The following TNKS variants were observed in gnomAD, a reference collection of about 807,000 sequenced individuals.
TNKS encodes the protein tankyrase, also known as poly [ADP-ribose] polymerase tankyrase-1.
In TNKS, 72 loss-of-function variants were observed where a neutral mutation model predicts 135.8. The ratio of observed to expected loss-of-function variants is 0.53; its 90% CI spans 0.44 to 0.64. The LOEUF is 0.64. TNKS is among the 30% of genes least tolerant of loss of function. TNKS has a pLI of 0.00. For synonymous variants in TNKS, 849 were observed against 649.3 expected (o/e 1.31, Z -4.68); for missense variants, 1,769 against 1,674.0 (o/e 1.06, Z -0.99).
intron 3 of TNKS, among the ~76,000 whole-genome samples, chr8:9,673,680 G>A (rs1314218137): frequency 2.0e-5 from 3 of 151,882 alleles, no homozygotes; most frequent in Admixed American, 6.6e-5. Flanking sequence ...TCCTGACCTC[G>A]TGATCCACCC....
In TNKS at chr8:9,595,326, T is replaced by C. The variant is rs370575771; in HGVS notation, c.898+14943T>C. Among the ~76,000 whole-genome samples the C allele has an allele frequency of 4.1e-4, 62 of 152,142 alleles. 1 individual carries two copies. The East Asian group carries it at 6.4e-3, about 16-fold the overall frequency. On this transcript the variant is annotated intron_variant, in intron 2 of 26. Transcript: ENST00000310430. Reference sequence around the variant, plus strand: ...GTAGCATTTTCATAAAAAACAAAGATGACAAAATTCCATACTTGTATCCTT... The same window carrying C: ...GTAGCATTTTCATAAAAAACAAAGACGACAAAATTCCATACTTGTATCCTT...
At chr8:9,750,096 A>G (rs1339960718) in intron 18 of TNKS, among the ~76,000 whole-genome samples, 2 of 152,168 alleles carry the variant, frequency 1.3e-5, no homozygotes, top group Non-Finnish European at 2.9e-5. Context: ...TGCCCATAAG[A>G]TCCTTTGAAG....
intron 15 of TNKS, 121 bp from the exon 16 acceptor site, chr8:9,734,744 A>G (rs1805604791): frequency 1.2e-6 from 1 of 823,334 alleles, no homozygotes; most frequent in Admixed American, 2.9e-5. Context: ...GTTTTTCAAA[A>G]TGCATATAGA....
In TNKS at chr8:9,584,877, T is replaced by C. The variant is rs186689133; in HGVS notation, c.898+4494T>C. Among the ~76,000 whole-genome samples the C allele has an allele frequency of 2.3e-3, 350 of 152,286 alleles. 2 individuals carry two copies. The highest frequency in any genetic ancestry group is 8.0e-3 in the African/African-American group (333 of 41,544). The stretch of plus-strand genomic sequence containing the variant: ...TGCTGGCGTCCACAGCAAATCATTC[T>C]AAAGATAACAGAGGTGTATGGTGTT... On this transcript the variant is annotated intron_variant, in intron 2 of 26. Coordinates refer to ENST00000310430, the MANE Select transcript of TNKS (RefSeq NM_003747.3).
intron 1 of TNKS, among the ~76,000 whole-genome samples, chr8:9,563,004 A>G (rs28398977): frequency 0.021 from 3,150 of 151,944 alleles, 58 homozygotes; most frequent in African/African-American, 0.054. Flanking sequence ...ACTTTTTATT[A>G]TTCGTTCTTT....
chr8:9,665,676 G>T (rs1801950482), intron 3 of TNKS, among the ~76,000 whole-genome samples: 1 of 152,144 alleles, frequency 6.6e-6, no homozygotes, highest in African/African-American at 2.4e-5. Context: ...ATAACCTTGT[G>T]CTGCCTTTTC....
Position 9,615,644 on chromosome 8 carries a change from C to G in TNKS, c.961C>G (p.Leu321Val), listed in dbSNP as rs1799617787. ...CACTGATGGGAAATCAGCCCTGGAC[C>G]TGGCAGATCCTTCAGCAAAAGCTGT... ...RNTDGKSALDLADPSAKAVLT... is the reference protein window; with the variant it reads ...RNTDGKSALDVADPSAKAVLT... The change falls in exon 3 of 27, where the codon CTG (leucine) becomes GTG (valine). Residue 321 changes from leucine (L) to valine (V), a missense_variant. Leu to Val is a conservative substitution (Grantham distance 32, BLOSUM62 1). This residue lies in a region of TNKS where 523 missense variants were observed against 541.0 expected (regional missense o/e 0.97). Coordinates refer to ENST00000310430, the MANE Select transcript of TNKS (RefSeq NM_003747.3). 6.2e-7 allele frequency: 1 copy of G among 1,613,428 alleles called. No individual in the cohort carries two copies. Among genetic ancestry groups the G allele is most frequent in the Non-Finnish European group, 8.5e-7 (1 of 1,179,710 alleles).
At chr8:9,655,613 C>G (rs1292072463) in intron 3 of TNKS, among the ~76,000 whole-genome samples, 1 of 152,178 alleles carries the variant, frequency 6.6e-6, no homozygotes, top group East Asian at 1.9e-4. Flanking sequence ...GCCACTGCTG[C>G]CTGATACCCA....
chr8:9,773,909 T>C (rs1808084891), intron 26 of TNKS, among the ~76,000 whole-genome samples: 1 of 152,202 alleles, frequency 6.6e-6, no homozygotes, highest in Non-Finnish European at 1.5e-5. Flanking sequence ...CTTTGCTAAC[T>C]TTTATTTCAT....
chr8:9,573,051 A>T (rs1797818314), intron 1 of TNKS, among the ~76,000 whole-genome samples: 1 of 149,480 alleles, frequency 6.7e-6, no homozygotes, highest in Non-Finnish European at 1.5e-5. Context: ...TATATATAGC[A>T]AGCCATTCTC....
chr8:9,758,010 T>C (rs1806933922), intron 20 of TNKS, among the ~76,000 whole-genome samples: 1 of 152,220 alleles, frequency 6.6e-6, no homozygotes, highest in African/African-American at 2.4e-5. Context: ...CACCTTCTAG[T>C]CATCCTTTTA....
rs369007371 is a variant in TNKS, at chr8:9,580,214, C to T, written c.729C>T (p.His243=). 4.0e-5 allele frequency: 65 copies of T among 1,613,990 alleles called. No homozygotes were observed. Among genetic ancestry groups the T allele is most frequent in the East Asian group, 6.7e-5 (3 of 44,884 alleles). The change falls in exon 2 of 27, where the codon CAC becomes CAT. Residue 243 remains histidine (H), a synonymous_variant. Coordinates refer to ENST00000310430, the MANE Select transcript of TNKS (RefSeq NM_003747.3). The part of the protein sequence containing the change: ...EHLLQMGANV[H]ARDDGGLIPL... Reference sequence around the variant, plus strand: ...TACTACAGATGGGTGCTAATGTCCACGCTCGTGATGATGGAGGTCTCATCC... The same window carrying T: ...TACTACAGATGGGTGCTAATGTCCATGCTCGTGATGATGGAGGTCTCATCC...
chr8:9,636,040 A>G (rs900993029), intron 3 of TNKS, among the ~76,000 whole-genome samples: 47 of 152,198 alleles, frequency 3.1e-4, no homozygotes, highest in Admixed American at 3.0e-3. Context: ...TGAAAAAAGT[A>G]TTGTTTTTAA....
chr8:9,556,497 G>T lies in TNKS; in HGVS notation c.558G>T (p.Leu186=), dbSNP rs201469839. The T allele has an allele frequency of 2.5e-6, 4 of 1,614,182 alleles. No individual in the cohort carries two copies. In the East Asian group the frequency reaches 8.9e-5, roughly 36 times the overall value. ...CAGTGAGCGGGGCCCTACGGGAACT[G>T]CTGGAGGCCTGTCGCAATGGGGACG... is the stretch of plus-strand genomic sequence containing the variant. ...VPAVSGALRE[L]LEACRNGDVS... is the part of the protein sequence containing the mutation. The change falls in exon 1 of 27, where the codon CTG becomes CTT. Residue 186 remains leucine, a synonymous_variant. Transcript: ENST00000310430.
At chr8:9,608,252 T>G (rs1799311842) in intron 2 of TNKS, among the ~76,000 whole-genome samples, 1 of 152,196 alleles carries the variant, frequency 6.6e-6, no homozygotes, top group South Asian at 2.1e-4. Flanking sequence ...GTGTTATCAG[T>G]AGTTTTTTCC....
intron 26 of TNKS, among the ~76,000 whole-genome samples, chr8:9,770,574 C>T (rs1807768784): frequency 6.6e-6 from 1 of 152,234 alleles, no homozygotes; most frequent in African/African-American, 2.4e-5. Flanking sequence ...TCGTGGGCAG[C>T]ATGCCAGGGC....
At chr8:9,701,100 A>G (rs528710592) in intron 5 of TNKS, among the ~76,000 whole-genome samples, 1 of 151,576 alleles carries the variant, frequency 6.6e-6, no homozygotes, top group South Asian at 2.1e-4. Context: ...CACCTGGCTA[A>G]TTTTTTGTAT....
At chr8:9,585,602 T>G (rs1798346435) in intron 2 of TNKS, among the ~76,000 whole-genome samples, 1 of 152,204 alleles carries the variant, frequency 6.6e-6, no homozygotes, top group Non-Finnish European at 1.5e-5. Flanking sequence ...AATAACCTTC[T>G]AAAGCCTGCT....
intron 3 of TNKS, among the ~76,000 whole-genome samples, chr8:9,656,577 GC>G (rs1801379396): frequency 6.6e-6 from 1 of 151,138 alleles, no homozygotes; most frequent in Non-Finnish European, 1.5e-5. Context: ...GAGAGTGGGG[GC>G]CAATATTCAA....
Sources: allele counts gnomAD v4.1 joint callset (sites outside exome capture counted in the v4.1 genomes callset), GRCh38; gene constraint gnomAD v4.1.1; regional missense constraint gnomAD v4.1.1; transcripts MANE v1.5; gene names NCBI Gene and HGNC (gene_info 2026-07-23, HGNC 2026-07-21).